TMEM87B: variants seen among roughly 807,000 people sequenced by gnomAD.
The protein encoded by TMEM87B is transmembrane protein 87B.
A neutral mutation model predicts 80.3 loss-of-function variants in TMEM87B; 83 were observed. The ratio of observed to expected loss-of-function variants is 1.03; its 90% CI spans 0.87 to 1.24. The LOEUF is 1.24. TMEM87B is among the 50% of genes most tolerant of loss of function. The probability of loss-of-function intolerance (pLI) is 0.00; values close to 1 mark genes in which losing one functional copy is unlikely to be tolerated. For missense variants in TMEM87B, 625 were observed against 674.4 expected (o/e 0.93, Z 0.81); for synonymous variants, 219 against 230.5 (o/e 0.95, Z 0.45).
chr2:112,103,347 G>A (rs1679684476), intron 15 of TMEM87B, among the ~76,000 whole-genome samples: 1 of 152,166 alleles, frequency 6.6e-6, no homozygotes, highest in Non-Finnish European at 1.5e-5. Flanking sequence ...GGAACTCTCA[G>A]TATTAAGCTC....
Position 112,055,312 on chromosome 2 carries a change from C to T in TMEM87B, c.-280C>T, listed in dbSNP as rs932283536. The T allele has an allele frequency of 1.3e-5, 6 of 473,612 alleles. No individual in the cohort carries two copies. Among genetic ancestry groups the T allele is most frequent in the Non-Finnish European group, 2.2e-5 (6 of 269,608 alleles). 29.3% of individuals were successfully genotyped at this position (473,612 alleles called of 1,614,324 possible). On this transcript the variant is annotated 5_prime_UTR_variant, in exon 1 of 19. Transcript: ENST00000283206. ...GGCCCTGAGCCCAGCCTCCACGTCT[C>T]GCCGCCAACTCCACATCCTGGCTCC...
intron 2 of TMEM87B, among the ~76,000 whole-genome samples, chr2:112,063,954 G>A (rs771406459): frequency 5.3e-5 from 8 of 152,204 alleles, no homozygotes; most frequent in Non-Finnish European, 1.2e-4. Flanking sequence ...TACGTGAAAT[G>A]AGCAGTATTA....
intron 10 of TMEM87B, among the ~76,000 whole-genome samples, chr2:112,091,409 G>A (rs1262173042): frequency 3.3e-5 from 5 of 152,142 alleles, no homozygotes; most frequent in Non-Finnish European, 2.9e-5. Flanking sequence ...CCTGGCTGTC[G>A]GTTTGGTATG....
chr2:112,108,364 A>T (rs949788726), intron 17 of TMEM87B, among the ~76,000 whole-genome samples: 3 of 152,146 alleles, frequency 2.0e-5, no homozygotes, highest in Admixed American at 2.0e-4. Context: ...TTCCCTCCCT[A>T]GCCCCCATCT....
At chr2:112,070,633 G>A (rs779976397) in intron 4 of TMEM87B, among the ~76,000 whole-genome samples, 8 of 152,004 alleles carry the variant, frequency 5.3e-5, no homozygotes, top group Non-Finnish European at 1.2e-4. Context: ...TGTTCCTTTT[G>A]GTTAGGATTG....
intron 2 of TMEM87B, among the ~76,000 whole-genome samples, chr2:112,061,947 C>G (rs1678271484): frequency 6.6e-6 from 1 of 152,218 alleles, no homozygotes; most frequent in Admixed American, 6.5e-5. Flanking sequence ...ACCTGAGCCT[C>G]CTTGGTCTGG....
intron 6 of TMEM87B, among the ~76,000 whole-genome samples, chr2:112,080,272 T>G (rs940525662): frequency 2.0e-5 from 3 of 149,162 alleles, no homozygotes; most frequent in African/African-American, 4.9e-5. Flanking sequence ...TCTTTTTTTA[T>G]TTTTTGAGAC....
At chr2:112,099,373 T>C (rs557062046) in intron 14 of TMEM87B, among the ~76,000 whole-genome samples, 66 of 152,176 alleles carry the variant, frequency 4.3e-4, no homozygotes, top group Non-Finnish European at 8.4e-4. Flanking sequence ...TTTTCAGATT[T>C]GGGATGCTCA....
rs1678462887 is a variant in TMEM87B at position 112,067,256 on chromosome 2, G to A, written c.450+189G>A. 3.9e-5 allele frequency among the ~76,000 whole-genome samples: 6 copies of A among 152,162 alleles called. No individual in the cohort carries two copies. The South Asian group carries it at 1.2e-3, about 32-fold the overall frequency. On this transcript the variant is annotated intron_variant, in intron 4 of 18. Coordinates refer to ENST00000283206, the MANE Select transcript of TMEM87B (RefSeq NM_032824.3). ...CTGTTTTATCAGGATTTTGATAAAG[G>A]TGGTTAACTTGTAAATTTTTAGGTT...
chr2:112,116,263 A>G lies in TMEM87B; in HGVS notation c.*120A>G. ...ATTGTGTTATCTTGGAAGTCTGTGT[A>G]TCAAAATGAAGAATTCAGATGGTAG... is the stretch of plus-strand genomic sequence containing the variant. On this transcript the variant is annotated 3_prime_UTR_variant, in exon 19 of 19. Coordinates refer to ENST00000283206, the MANE Select transcript of TMEM87B (RefSeq NM_032824.3). 1 of 835,534 alleles carries G rather than the reference A, an allele frequency of 1.2e-6. No individual in the cohort carries two copies. Among genetic ancestry groups the G allele is most frequent in the Non-Finnish European group, 1.9e-6 (1 of 540,242 alleles). The allele number at this position is 835,534 out of a possible 1,614,324, so 51.8% of individuals were successfully genotyped here.
chr2:112,090,885 C>T (rs1679277918), intron 10 of TMEM87B, among the ~76,000 whole-genome samples: 1 of 152,096 alleles, frequency 6.6e-6, no homozygotes, highest in African/African-American at 2.4e-5. Flanking sequence ...GCTAAAAAGC[C>T]TCATTCTTCT....
chr2:112,095,231 A>G (rs1371024184), intron 11 of TMEM87B: 1 of 430,376 alleles, frequency 2.3e-6, no homozygotes, highest in African/African-American at 4.1e-5. Context: ...GCTGCAGGTG[A>G]GTGATTCTGA....
At position 112,081,119 on chromosome 2, in the gene TMEM87B, G is replaced by T; in HGVS notation, c.654+1G>T. 1 of 1,612,182 alleles carries T rather than the reference G, an allele frequency of 6.2e-7. No individual in the cohort carries two copies. On this transcript the variant is annotated splice_donor_variant, in intron 7 of 18. Transcript: ENST00000283206. LOFTEE classifies it high-confidence loss of function. ...TGCATCAGATTGGCCCCTAATGATT[G>T]TGAGTATTTCTCATCATTTTTTCCT...
At chr2:112,090,568 A>G (rs1193191500) in intron 10 of TMEM87B, among the ~76,000 whole-genome samples, 2 of 152,120 alleles carry the variant, frequency 1.3e-5, no homozygotes, top group African/African-American at 4.8e-5. Flanking sequence ...CTGGGACTAC[A>G]GGTGCAGGCC....
intron 11 of TMEM87B, among the ~76,000 whole-genome samples, chr2:112,094,787 G>A (rs1213758405): frequency 6.6e-6 from 1 of 152,172 alleles, no homozygotes; most frequent in Non-Finnish European, 1.5e-5. Context: ...GACAAAGGAA[G>A]TCTAGTGTCT....
At position 112,081,481 on chromosome 2, in the gene TMEM87B, T is replaced by G; in HGVS notation, c.801T>G (p.Tyr267Ter). 1 of 1,612,730 alleles carries G rather than the reference T, an allele frequency of 6.2e-7. No homozygotes were observed. Among genetic ancestry groups the G allele is most frequent in the Non-Finnish European group, 8.5e-7 (1 of 1,179,774 alleles). ...GAATGCTTGAAAAAGCAGTTTTTTA[T>G]AGTGAATACCAAAACATCAGCAACA... ...FLGMLEKAVF[Y>*]SEYQNISNTG... Residue 267 changes from tyrosine (Y) to a stop codon, truncating the protein, a stop_gained, in exon 8 of 19, where the codon TAT (tyrosine) becomes TAG (stop). Coordinates refer to ENST00000283206, the MANE Select transcript of TMEM87B (RefSeq NM_032824.3). LOFTEE classifies it high-confidence loss of function.
chr2:112,111,692 T>A (rs1452050770), intron 17 of TMEM87B, among the ~76,000 whole-genome samples: 1 of 152,202 alleles, frequency 6.6e-6, no homozygotes, highest in Non-Finnish European at 1.5e-5. Context: ...CCCTTATACA[T>A]CTGTGGAAAT....
intron 4 of TMEM87B, among the ~76,000 whole-genome samples, chr2:112,072,605 C>T (rs1456055780): frequency 6.6e-6 from 1 of 152,078 alleles, no homozygotes; most frequent in Non-Finnish European, 1.5e-5. Context: ...TCTGTGGGCT[C>T]AGTGGTAACA....
chr2:112,082,444 A>G (rs751630716), intron 8 of TMEM87B, among the ~76,000 whole-genome samples: 5 of 152,110 alleles, frequency 3.3e-5, no homozygotes, highest in Non-Finnish European at 7.4e-5. Flanking sequence ...AATGAATTGG[A>G]CTATAGATGA....
Sources: gnomAD v4.1 joint callset for allele counts (sites outside exome capture counted in the v4.1 genomes callset) on GRCh38, gnomAD v4.1.1 for gene constraint, MANE v1.5 for transcripts, NCBI Gene and HGNC (gene_info 2026-07-23, HGNC 2026-07-21) for gene names.